Variants in CYP7B1 observed in about 807,000 individuals in gnomAD.
CYP7B1 encodes cytochrome P450 family 7 subfamily B member 1, also known as cytochrome P450 7B1.
Under a neutral mutation model 42.7 loss-of-function variants are expected in CYP7B1, and 29 were observed. The ratio of observed to expected loss-of-function variants is 0.68; its 90% CI spans 0.51 to 0.93. CYP7B1 has a LOEUF of 0.93. CYP7B1 is among the 40% of genes least tolerant of loss of function. CYP7B1 has a pLI of 0.00. For missense variants in CYP7B1, 655 were observed against 600.5 expected, an observed-to-expected ratio of 1.09 and a Z score of -0.95; for synonymous variants, 235 against 218.2, an observed-to-expected ratio of 1.08 and a Z score of -0.68.
At chr8:64,688,090 CAT>C (rs906673231) in intron 1 of CYP7B1, among the ~76,000 whole-genome samples, 4 of 152,206 alleles carry the variant, frequency 2.6e-5, no homozygotes, top group African/African-American at 9.7e-5. Flanking sequence ...TCCCTAAACA[CAT>C]ATGTTTCAGC....
intron 1 of CYP7B1, among the ~76,000 whole-genome samples, chr8:64,772,417 T>C (rs1292373324): frequency 6.6e-6 from 1 of 152,152 alleles, no homozygotes; most frequent in Non-Finnish European, 1.5e-5. Context: ...GTTGAAAACC[T>C]GAATAGAACA....
intron 1 of CYP7B1, among the ~76,000 whole-genome samples, chr8:64,702,838 C>T (rs1004926918): frequency 2.0e-5 from 3 of 151,934 alleles, no homozygotes; most frequent in Non-Finnish European, 4.4e-5. Flanking sequence ...TTCTCAGGAC[C>T]CAGGTTTATG....
chr8:64,752,848 A>C (rs1807749312), intron 1 of CYP7B1, among the ~76,000 whole-genome samples: 1 of 152,152 alleles, frequency 6.6e-6, no homozygotes, highest in South Asian at 2.1e-4. Context: ...GCAGCCATCA[A>C]TGTCTTGTCT....
chr8:64,723,589 A>G (rs1372706241), intron 1 of CYP7B1, among the ~76,000 whole-genome samples: 2 of 152,252 alleles, frequency 1.3e-5, no homozygotes, highest in Admixed American at 1.3e-4. Context: ...ACACATGTCC[A>G]TAGTTATGTC....
chr8:64,688,945 A>T (rs1253074713), intron 1 of CYP7B1, among the ~76,000 whole-genome samples: 1 of 152,182 alleles, frequency 6.6e-6, no homozygotes, highest in Non-Finnish European at 1.5e-5. Context: ...AATAAATAAA[A>T]AACAAAAATA....
In CYP7B1 at chr8:64,592,132, G is replaced by C. The variant is rs1805045740; in HGVS notation, c.*4510C>G. ...GAACCCAGGAAGTGGAGGTTGCAGTGAGCTGAGATCATGCCACTGGACTCC... is the reference window on the plus strand; with the variant it reads ...GAACCCAGGAAGTGGAGGTTGCAGTCAGCTGAGATCATGCCACTGGACTCC... On this transcript the variant is annotated 3_prime_UTR_variant, in exon 6 of 6. Coordinates refer to ENST00000310193, the MANE Select transcript of CYP7B1 (RefSeq NM_004820.5). Among the ~76,000 whole-genome samples the C allele has an allele frequency of 1.3e-5, 2 of 151,748 alleles. No homozygotes were observed. Among genetic ancestry groups the C allele is most frequent in the Admixed American group, 6.6e-5 (1 of 15,230 alleles).
At chr8:64,774,696 C>G (rs56235449) in intron 1 of CYP7B1, among the ~76,000 whole-genome samples, 189 of 152,208 alleles carry the variant, frequency 1.2e-3, no homozygotes, top group African/African-American at 4.3e-3. Context: ...GAAATCGGAG[C>G]TTATTATCAT....
At chr8:64,721,009 C>T (rs191295841) in intron 1 of CYP7B1, among the ~76,000 whole-genome samples, 436 of 149,614 alleles carry the variant, frequency 2.9e-3, no homozygotes, top group Non-Finnish European at 4.6e-3. Flanking sequence ...TATTTAAAAC[C>T]AAAACAAAAG....
intron 1 of CYP7B1, among the ~76,000 whole-genome samples, chr8:64,693,406 C>A (rs181474536): frequency 6.6e-6 from 1 of 152,360 alleles, no homozygotes; most frequent in East Asian, 1.9e-4. Context: ...GGGCTTGACA[C>A]TGAGCCTTCA....
chr8:64,587,018 C>T (rs1804977159), downstream of CYP7B1, among the ~76,000 whole-genome samples: 1 of 151,962 alleles, frequency 6.6e-6, no homozygotes, highest in South Asian at 2.1e-4. Flanking sequence ...TCTTTTTTGC[C>T]CGGCAAATCT....
chr8:64,670,794 G>A (rs75677353), intron 1 of CYP7B1, among the ~76,000 whole-genome samples: 4,970 of 152,274 alleles, frequency 0.033, 250 homozygotes, highest in African/African-American at 0.11. Context: ...GCAACCTGAT[G>A]TAGATGCCTG....
At chr8:64,605,912 T>C (rs1461026085) in intron 4 of CYP7B1, among the ~76,000 whole-genome samples, 3 of 152,116 alleles carry the variant, frequency 2.0e-5, no homozygotes, top group Non-Finnish European at 4.4e-5. Flanking sequence ...AAACACAGAG[T>C]ACCCAATTAT....
chr8:64,720,297 G>C (rs999647204), intron 1 of CYP7B1, among the ~76,000 whole-genome samples: 2 of 152,104 alleles, frequency 1.3e-5, no homozygotes, highest in Non-Finnish European at 2.9e-5. Flanking sequence ...TAACTTTGAA[G>C]TTGAAAACTT....
At chr8:64,607,054 G>A in intron 4 of CYP7B1, among the ~76,000 whole-genome samples, 1 of 152,190 alleles carries the variant, frequency 6.6e-6, no homozygotes, top group East Asian at 1.9e-4. Flanking sequence ...TGCTGCACCA[G>A]GAGGTACAGT....
At chr8:64,671,376 T>TAA (rs145548464) in intron 1 of CYP7B1, among the ~76,000 whole-genome samples, 1 of 152,052 alleles carries the variant, frequency 6.6e-6, no homozygotes, top group East Asian at 1.9e-4. Context: ...TCATTATTTT[T>TAA]AAAAAACCCA....
intron 1 of CYP7B1, among the ~76,000 whole-genome samples, chr8:64,696,984 A>C (rs1053840579): frequency 2.8e-4 from 43 of 152,222 alleles, no homozygotes; most frequent in Non-Finnish European, 4.4e-5. Flanking sequence ...AGTGCTGTGA[A>C]ATTGTGGCAA....
chr8:64,606,726 A>G (rs896247657), intron 4 of CYP7B1, among the ~76,000 whole-genome samples: 1 of 152,198 alleles, frequency 6.6e-6, no homozygotes, highest in Non-Finnish European at 1.5e-5. Flanking sequence ...TTTACCTTCC[A>G]GTACCAGTTA....
At chr8:64,719,301 G>A (rs1399037539) in intron 1 of CYP7B1, among the ~76,000 whole-genome samples, 1 of 151,958 alleles carries the variant, frequency 6.6e-6, no homozygotes, top group Non-Finnish European at 1.5e-5. Flanking sequence ...TCCCCACAAA[G>A]CAAAACATAC....
intron 1 of CYP7B1, among the ~76,000 whole-genome samples, chr8:64,741,400 A>C (rs538153433): frequency 4.7e-4 from 72 of 152,100 alleles, no homozygotes; most frequent in African/African-American, 1.7e-3. Flanking sequence ...GCTCACTGCA[A>C]CCTTCACCTC....
Sources: allele counts gnomAD v4.1 joint callset (sites outside exome capture counted in the v4.1 genomes callset), GRCh38; gene constraint gnomAD v4.1.1; transcripts MANE v1.5; gene names NCBI Gene and HGNC (gene_info 2026-07-23, HGNC 2026-07-21).